GPATCH3: variants seen among roughly 807,000 people sequenced by gnomAD.
GPATCH3 encodes G-patch domain containing 3, also known as G patch domain-containing protein 3.
A neutral mutation model predicts 53.2 loss-of-function variants in GPATCH3; 45 were observed. The ratio of observed to expected loss-of-function variants is 0.85; its 90% CI spans 0.67 to 1.08. The LOEUF (loss-of-function observed/expected upper bound fraction) is 1.08, where lower values mean the gene tolerates loss of function less well. Ranked by LOEUF, GPATCH3 falls within the 50% of genes least tolerant of loss-of-function variation. The pLI is 0.00. For missense variants in GPATCH3, 680 were observed against 687.2 expected, an observed-to-expected ratio of 0.99 and a Z score of 0.12; for synonymous variants, 280 against 270.6, an observed-to-expected ratio of 1.03 and a Z score of -0.34.
At position 26,897,730 on chromosome 1, in the gene GPATCH3, G is replaced by C. The variant is rs1261364682; in HGVS notation, c.452-5C>G. On this transcript the variant is annotated splice_polypyrimidine_tract_variant and splice_region_variant and intron_variant, in intron 1 of 6. Transcript: ENST00000361720. ...TGAAGGGAAAGGAGCCCAGACCTTGGAAAGGAGGGAGAATAGATCTTGAAA... is the reference window on the plus strand; with the variant it reads ...TGAAGGGAAAGGAGCCCAGACCTTGCAAAGGAGGGAGAATAGATCTTGAAA... 1 of 1,596,204 alleles carries C rather than the reference G, an allele frequency of 6.3e-7. No individual in the cohort carries two copies. Among genetic ancestry groups the C allele is most frequent in the East Asian group, 2.2e-5 (1 of 44,732 alleles).
In GPATCH3 at chr1:26,891,168, A is replaced by C; in HGVS notation, c.1420T>G (p.Leu474Val). 3 of 1,614,048 alleles carry C rather than the reference A, an allele frequency of 1.9e-6. No homozygotes were observed. The highest frequency in any genetic ancestry group is 1.7e-6 in the Non-Finnish European group (2 of 1,180,004). ...GQLKRPRRNGLGLISTIYDEP... is the reference protein window; with the variant it reads ...GQLKRPRRNGVGLISTIYDEP... ...TCATAGATGGTGGAGATGAGCCCCA[A>C]GCCATTTCTACGGGGCCTCTTCAGT... The change falls in exon 7 of 7, where the codon TTG (leucine) becomes GTG (valine). Residue 474 changes from leucine (L) to valine (V), a missense_variant. Transcript: ENST00000361720.
At position 26,897,399 on chromosome 1, in the gene GPATCH3, GTATT is replaced by G; in HGVS notation, c.774_777del (p.Glu258AspfsTer52). On this transcript the variant is annotated frameshift_variant, in exon 2 of 7. Transcript: ENST00000361720. LOFTEE classifies it high-confidence loss of function. Reference sequence around the variant, plus strand: ...ATATCTGCCAGGTAGGTTCCTTGGGGTATTTCTTCACCCTCTGCTGTATACACAA... The same window carrying G: ...ATATCTGCCAGGTAGGTTCCTTGGGGTCTTCACCCTCTGCTGTATACACAA... 1 of 1,614,114 alleles carries G rather than the reference GTATT, an allele frequency of 6.2e-7. No individual in the cohort carries two copies.
chr1:26,890,866 C>G lies in GPATCH3; in HGVS notation c.*144G>C. ...GTAAAAATGCCCCTGAGGTATAGAA[C>G]CGGCAGGCAGGCAGGCTCGGAACAA... On this transcript the variant is annotated 3_prime_UTR_variant, in exon 7 of 7. Coordinates refer to ENST00000361720, the MANE Select transcript of GPATCH3 (RefSeq NM_022078.3). The G allele has an allele frequency of 1.2e-6, 1 of 846,844 alleles. No homozygotes were observed. Among genetic ancestry groups the G allele is most frequent in the Middle Eastern group, 2.4e-4 (1 of 4,140 alleles). 52.5% of individuals were successfully genotyped at this position (846,844 alleles called of 1,614,324 possible).
At chr1:26,896,533 TAAAAAAAAA>T (rs35265758) in intron 2 of GPATCH3, among the ~76,000 whole-genome samples, 1 of 104,708 alleles carries the variant, frequency 9.6e-6, no homozygotes, top group African/African-American at 3.5e-5. Flanking sequence ...CTACTAAAAA[TAAAAAAAAA>T]AAAAAAAATT....
At chr1:26,892,948 C>T (rs1218285378) in intron 4 of GPATCH3, 157 bp from the exon 5 acceptor site, 4 of 804,594 alleles carry the variant, frequency 5.0e-6, no homozygotes, top group Non-Finnish European at 8.0e-6. Context: ...GGAACCATGG[C>T]TCTCCCCAAT....
chr1:26,898,360 G>A (rs2081959937), intron 1 of GPATCH3, among the ~76,000 whole-genome samples: 1 of 151,992 alleles, frequency 6.6e-6, no homozygotes, highest in Non-Finnish European at 1.5e-5. Flanking sequence ...CTGTCACCCA[G>A]ACTGGCGTAT....
At position 26,900,280 on chromosome 1, in the gene GPATCH3, G is replaced by T. The variant is rs1257449138; in HGVS notation, c.163C>A (p.Arg55=). ...LCFHYRHRPE[R]APPQAAPNSA... ...TTAGGAGCGGCCTGCGGAGGGGCCC[G>T]CTCAGGCCGATGCCGGTAGTGGAAA... The change falls in exon 1 of 7, where the codon CGG becomes AGG. Residue 55 remains arginine, a synonymous_variant. Coordinates refer to ENST00000361720, the MANE Select transcript of GPATCH3 (RefSeq NM_022078.3). 20 of 1,613,774 alleles carry T rather than the reference G, an allele frequency of 1.2e-5. No individual in the cohort carries two copies. Among genetic ancestry groups the T allele is most frequent in the Non-Finnish European group, 1.6e-5 (19 of 1,180,004 alleles).
rs2081955790 is a variant in GPATCH3 at position 26,897,395 on chromosome 1, T to TG, written c.781dup (p.Gln261ProfsTer17). 1 of 1,614,182 alleles carries TG rather than the reference T, an allele frequency of 6.2e-7. No individual in the cohort carries two copies. Among genetic ancestry groups the TG allele is most frequent in the Non-Finnish European group, 8.5e-7 (1 of 1,180,036 alleles). On this transcript the variant is annotated frameshift_variant, in exon 2 of 7. Transcript: ENST00000361720. LOFTEE classifies it high-confidence loss of function. ...TGGTATATCTGCCAGGTAGGTTCCT[T>TG]GGGGTATTTCTTCACCCTCTGCTGT...
chr1:26,890,543 G>A lies in GPATCH3; in HGVS notation c.*467C>T. The A allele has an allele frequency of 3.3e-6, 1 of 305,946 alleles. No homozygotes were observed. The highest frequency in any genetic ancestry group is 6.3e-6 in the Non-Finnish European group (1 of 157,538). 19.0% of individuals were successfully genotyped at this position (305,946 alleles called of 1,614,324 possible). On this transcript the variant is annotated 3_prime_UTR_variant, in exon 7 of 7. Coordinates refer to ENST00000361720, the MANE Select transcript of GPATCH3 (RefSeq NM_022078.3). ...ACGTCGCACACCCAAGCCACCTCCC[G>A]CGGACTCTCCGCTGGCAGTCCCACC...
Position 26,892,649 on chromosome 1 carries a change from G to A in GPATCH3, c.1233+21C>T, listed in dbSNP as rs765007996. ...GAAGGAAAAGAGAGGGGTCCATGGG[G>A]TGGGCACAGTGCTAACTCACCTTGG... On this transcript the variant is annotated intron_variant, in intron 5 of 6. Coordinates refer to ENST00000361720, the MANE Select transcript of GPATCH3 (RefSeq NM_022078.3). 7.4e-6 allele frequency: 12 copies of A among 1,613,790 alleles called. No individual in the cohort carries two copies. The South Asian group carries it at 1.3e-4, about 18-fold the overall frequency.
At chr1:26,893,103 G>C (rs1164087328) in intron 4 of GPATCH3, among the ~76,000 whole-genome samples, 1 of 152,092 alleles carries the variant, frequency 6.6e-6, no homozygotes, top group African/African-American at 2.4e-5. Context: ...ACCCTTACTA[G>C]AGCCTGAGCT....
Position 26,890,747 on chromosome 1 carries a change from G to A in GPATCH3, c.*263C>T, listed in dbSNP as rs147217101. The stretch of plus-strand genomic sequence containing the variant: ...CCCAGCTTTTCAAAGTTCTGCAGGA[G>A]GCAAAGGGCAAGCCCAGAGATTAGG... On this transcript the variant is annotated 3_prime_UTR_variant, in exon 7 of 7. Transcript: ENST00000361720. 1,805 of 679,734 alleles carry A rather than the reference G, an allele frequency of 2.7e-3. 16 individuals carry two copies. The African/African-American group carries it at 0.028, about 11-fold the overall frequency. The allele number at this position is 679,734 out of a possible 1,614,324, so 42.1% of individuals were successfully genotyped here. A position where few individuals can be genotyped will look rare whatever the true frequency, so the allele number is the denominator to read the frequency against.
rs749151510 is a variant in GPATCH3 at position 26,893,369 on chromosome 1, T to C, written c.1111+20A>G. 6.3e-7 allele frequency: 1 copy of C among 1,597,376 alleles called. No individual in the cohort carries two copies. The highest frequency in any genetic ancestry group is 8.6e-7 in the Non-Finnish European group (1 of 1,164,776). On this transcript the variant is annotated intron_variant, in intron 4 of 6. Coordinates refer to ENST00000361720, the MANE Select transcript of GPATCH3 (RefSeq NM_022078.3). Reference sequence around the variant, plus strand: ...AGGGCACCTGTTTCACCTCCAGTATTGCCACTCCTTGCCCAGTACCTCTGT... The same window carrying C: ...AGGGCACCTGTTTCACCTCCAGTATCGCCACTCCTTGCCCAGTACCTCTGT...
intron 2 of GPATCH3, among the ~76,000 whole-genome samples, chr1:26,896,430 G>A (rs1319710200): frequency 6.6e-6 from 1 of 151,344 alleles, no homozygotes; most frequent in African/African-American, 2.4e-5. Flanking sequence ...AGTGGGTCAT[G>A]CCTGTAATCC....
At position 26,897,359 on chromosome 1, in the gene GPATCH3, C is replaced by G; in HGVS notation, c.818G>C (p.Cys273Ser). ...TYLADIPASP[C>S]GEPEEEVGKE... ...CCCCACTTCTTCCTCAGGCTCTCCACAGGGGCTGGCTGGTATATCTGCCAG... is the reference window on the plus strand; with the variant it reads ...CCCCACTTCTTCCTCAGGCTCTCCAGAGGGGCTGGCTGGTATATCTGCCAG... The change falls in exon 2 of 7, where the codon TGT becomes TCT. Residue 273 changes from cysteine (C) to serine (S), a missense_variant. By Grantham distance (112) the Cys-to-Ser change is moderately radical. Coordinates refer to ENST00000361720, the MANE Select transcript of GPATCH3 (RefSeq NM_022078.3). 6.2e-7 allele frequency: 1 copy of G among 1,614,228 alleles called. No homozygotes were observed. The highest frequency in any genetic ancestry group is 8.5e-7 in the Non-Finnish European group (1 of 1,180,040).
rs773579609 is a variant in GPATCH3, at chr1:26,894,394, T to TCACCC, written c.888_892dup (p.Glu298GlyfsTer15). 6.8e-6 allele frequency: 11 copies of TCACCC among 1,613,968 alleles called. No homozygotes were observed. In the South Asian group the frequency reaches 1.2e-4, roughly 18 times the overall value. On this transcript the variant is annotated frameshift_variant, in exon 3 of 7. Coordinates refer to ENST00000361720, the MANE Select transcript of GPATCH3 (RefSeq NM_022078.3). LOFTEE classifies it high-confidence loss of function. Reference sequence around the variant, plus strand: ...CAGCGCTTCATGCCGTTCCCATTCCTCACCCCGGTCATCGTCCTAAAAGGC... The same window carrying TCACCC: ...CAGCGCTTCATGCCGTTCCCATTCCTCACCCCACCCCGGTCATCGTCCTAAAAGGC...
At position 26,900,163 on chromosome 1, in the gene GPATCH3, A is replaced by G; in HGVS notation, c.280T>C (p.Ser94Pro). The change falls in exon 1 of 7, where the codon TCT becomes CCT. Residue 94 changes from serine (S) to proline (P), a missense_variant. By Grantham distance (74) the Ser-to-Pro change is moderately conservative. Transcript: ENST00000361720. ...CAGGTGCGGGTCTGGATTGGAGTAG[A>G]GTCTCGAGTGGAGAGAGGCCGGACA... ...TDVRPLSTRD[S>P]TPIQTRTCCC... 2.5e-6 allele frequency: 4 copies of G among 1,614,078 alleles called. No homozygotes were observed. The highest frequency in any genetic ancestry group is 3.4e-6 in the Non-Finnish European group (4 of 1,180,016).
rs138822408 is a variant in GPATCH3, at chr1:26,900,339, T to C, written c.104A>G (p.Gln35Arg). 1.2e-4 allele frequency: 193 copies of C among 1,614,086 alleles called. No homozygotes were observed. The African/African-American group carries it at 2.3e-3, about 19-fold the overall frequency. ...GCCACCGCCGCGCTCTTCTCGGAACTGGCTAAAATAGCTCCGTAAATGGGC... is the reference window on the plus strand; with the variant it reads ...GCCACCGCCGCGCTCTTCTCGGAACCGGCTAAAATAGCTCCGTAAATGGGC... Reference protein sequence around the residue: ...RSAHLRSYFSQFREERGGGFL... With the variant: ...RSAHLRSYFSRFREERGGGFL... The change falls in exon 1 of 7, where the codon CAG (glutamine) becomes CGG (arginine). Residue 35 changes from glutamine (Q) to arginine (R), a missense_variant. Gln to Arg is a conservative substitution (Grantham distance 43, BLOSUM62 1). Transcript: ENST00000361720.
At position 26,894,400 on chromosome 1, in the gene GPATCH3, C is replaced by T. The variant is rs377557354; in HGVS notation, c.887G>A (p.Arg296Gln). ...TTCATGCCGTTCCCATTCCTCACCCCGGTCATCGTCCTAAAAGGCAGGGAG... is the reference window on the plus strand; with the variant it reads ...TTCATGCCGTTCCCATTCCTCACCCTGGTCATCGTCCTAAAAGGCAGGGAG... ...EESHSDEDDD[R>Q]GEEWERHEAL... The change falls in exon 3 of 7, where the codon CGG becomes CAG. Residue 296 changes from arginine to glutamine, a missense_variant. Arg to Gln is a conservative substitution (Grantham distance 43, BLOSUM62 1). Coordinates refer to ENST00000361720, the MANE Select transcript of GPATCH3 (RefSeq NM_022078.3). 1.3e-5 allele frequency: 21 copies of T among 1,613,932 alleles called. No individual in the cohort carries two copies. Among genetic ancestry groups the T allele is most frequent in the East Asian group, 1.1e-4 (5 of 44,872 alleles).
Sources: gnomAD v4.1 joint callset for allele counts (sites outside exome capture counted in the v4.1 genomes callset) on GRCh38, gnomAD v4.1.1 for gene constraint, MANE v1.5 for transcripts, NCBI Gene and HGNC (gene_info 2026-07-23, HGNC 2026-07-21) for gene names.